The following ANXA7 variants were observed in gnomAD, a reference collection of about 807,000 sequenced individuals.
The protein encoded by ANXA7 is annexin A7.
In ANXA7, 55 loss-of-function variants were observed where a neutral mutation model predicts 64.9. The observed-to-expected ratio is 0.85, with a 90% confidence interval of 0.68 to 1.06. The LOEUF (loss-of-function observed/expected upper bound fraction) is 1.06. Among genes scored for constraint, ANXA7 ranks in the 50% least tolerant of loss-of-function variants. The pLI, the probability that ANXA7 is intolerant of heterozygous loss-of-function variation, is 0.00. For missense variants in ANXA7, 548 were observed against 582.1 expected, an observed-to-expected ratio of 0.94 and a Z score of 0.60; for synonymous variants, 200 against 192.4, an observed-to-expected ratio of 1.04 and a Z score of -0.33.
chr10:73,400,654 C>A (rs1013928528), intron 2 of ANXA7, 149 bp downstream of exon 2: 3 of 492,004 alleles, frequency 6.1e-6, no homozygotes, highest in African/African-American at 6.1e-5. Flanking sequence ...CTCTAGTCCC[C>A]CACACAATTG....
chr10:73,391,094 G>A (rs1417513555), intron 5 of ANXA7, among the ~76,000 whole-genome samples: 1 of 151,336 alleles, frequency 6.6e-6, no homozygotes, highest in African/African-American at 2.4e-5. Context: ...CTTGAACCCG[G>A]GAGGCGGAGG....
At chr10:73,390,131 A>G (rs1328370595) in intron 5 of ANXA7, among the ~76,000 whole-genome samples, 8 of 152,330 alleles carry the variant, frequency 5.3e-5, no homozygotes, top group Admixed American at 3.9e-4. Context: ...ATTTAATCCA[A>G]TACCTCCAAA....
intron 1 of ANXA7, among the ~76,000 whole-genome samples, chr10:73,411,618 G>C (rs546061394): frequency 6.6e-6 from 1 of 152,138 alleles, no homozygotes; most frequent in Non-Finnish European, 1.5e-5. Context: ...TTTTAGTACA[G>C]ACAGGGTTTC....
Position 73,388,272 on chromosome 10 carries a change from C to CT in ANXA7, c.538+39dup, listed in dbSNP as rs1227219710. The CT allele has an allele frequency of 4.1e-6, 6 of 1,465,744 alleles. No homozygotes were observed. In the South Asian group the frequency reaches 4.6e-5, roughly 11 times the overall value. 90.8% of individuals were successfully genotyped at this position (1,465,744 alleles called of 1,614,324 possible). ...TTTATTTTTACTTTAGAACTGATTA[C>CT]TTTAACTTATTAAAAAAGACAAAAA... On this transcript the variant is annotated intron_variant, in intron 6 of 12. Coordinates refer to ENST00000372921, the MANE Select transcript of ANXA7 (RefSeq NM_001156.5).
rs763704857 is a variant in ANXA7 at position 73,383,246 on chromosome 10, G to A, written c.847C>T (p.Arg283Ter). The A allele has an allele frequency of 6.8e-6, 11 of 1,613,912 alleles. No homozygotes were observed. The highest frequency in any genetic ancestry group is 5.3e-5 in the African/African-American group (4 of 74,886). ...IVRCYQSEFGRDLEKDIRSDT... is the reference protein window; with the variant it reads ...IVRCYQSEFG Reference sequence around the variant, plus strand: ...GACCTAATGTCCTTTTCAAGGTCTCGTCCAAATTCTGACTGATAACATCTG... The same window carrying A: ...GACCTAATGTCCTTTTCAAGGTCTCATCCAAATTCTGACTGATAACATCTG... Residue 283 changes from arginine (R) to a stop codon, truncating the protein, a stop_gained, in exon 9 of 13, where the codon CGA (arginine) becomes TGA (stop). Transcript: ENST00000372921. LOFTEE classifies it high-confidence loss of function.
At chr10:73,382,874 AT>A (rs1186180382) in intron 9 of ANXA7, among the ~76,000 whole-genome samples, 6 of 152,194 alleles carry the variant, frequency 3.9e-5, no homozygotes, top group Admixed American at 2.0e-4. Flanking sequence ...AATGGGCAGG[AT>A]AGTGATAAGC....
intron 1 of ANXA7, 26 bp from the exon 2 acceptor site, chr10:73,400,883 CTG>C (rs1358787368): frequency 6.4e-7 from 1 of 1,570,578 alleles, no homozygotes; most frequent in African/African-American, 1.4e-5. Context: ...AAAATGTCCT[CTG>C]TAAGTTTTTT....
At chr10:73,393,851 T>A (rs1233425072) in intron 5 of ANXA7, among the ~76,000 whole-genome samples, 22 of 152,072 alleles carry the variant, frequency 1.4e-4, no homozygotes, top group Admixed American at 1.3e-3. Flanking sequence ...AAGCCAAAAT[T>A]AAGAAATGGG....
chr10:73,388,281 AT>A, intron 6 of ANXA7, 30 bp downstream of exon 6: 1 of 1,532,004 alleles, frequency 6.5e-7, no homozygotes, highest in Admixed American at 1.7e-5. Context: ...ACTTTAACTT[AT>A]TAAAAAAGAC....
chr10:73,409,397 C>T (rs1212362177), intron 1 of ANXA7, among the ~76,000 whole-genome samples: 4 of 152,136 alleles, frequency 2.6e-5, no homozygotes, highest in Admixed American at 2.6e-4. Context: ...AAATCAAGAG[C>T]TCAATCCCTT....
Position 73,380,171 on chromosome 10 carries a change from G to A in ANXA7, c.949C>T (p.His317Tyr). 1 of 1,613,838 alleles carries A rather than the reference G, an allele frequency of 6.2e-7. No homozygotes were observed. The highest frequency in any genetic ancestry group is 8.5e-7 in the Non-Finnish European group (1 of 1,179,952). ...TGAGCATCTTCCTGAGCCATTTGGT[G>A]GTTTATACTCTGGTTCTCATCACGA... ...GNRDENQSIN[H>Y]QMAQEDAQRL... is the part of the protein sequence containing the mutation. Residue 317 changes from histidine to tyrosine, a missense_variant, in exon 10 of 13, where the codon CAC becomes TAC. Coordinates refer to ENST00000372921, the MANE Select transcript of ANXA7 (RefSeq NM_001156.5).
At chr10:73,388,978 T>C (rs1253826660) in intron 5 of ANXA7, among the ~76,000 whole-genome samples, 1 of 152,162 alleles carries the variant, frequency 6.6e-6, no homozygotes, top group Non-Finnish European at 1.5e-5. Context: ...GAATCAACAG[T>C]GGGTGCTAAA....
chr10:73,408,671 T>C (rs980852549), intron 1 of ANXA7, among the ~76,000 whole-genome samples: 25 of 152,166 alleles, frequency 1.6e-4, no homozygotes, highest in African/African-American at 5.5e-4. Flanking sequence ...TGGTACATTT[T>C]GAAAAATAAT....
intron 1 of ANXA7, among the ~76,000 whole-genome samples, chr10:73,413,140 T>C (rs935198603): frequency 7.9e-5 from 12 of 152,094 alleles, no homozygotes; most frequent in Non-Finnish European, 1.6e-4. Flanking sequence ...GACAGGTAGG[T>C]AGCCAACCAC....
chr10:73,380,302 T>G, intron 9 of ANXA7, 101 bp from the exon 10 acceptor site: 2 of 805,926 alleles, frequency 2.5e-6, no homozygotes, highest in Non-Finnish European at 3.5e-6. Context: ...AGACTATTTC[T>G]TTTTTTTTTG....
At chr10:73,394,772 A>G (rs983109122) in intron 5 of ANXA7, among the ~76,000 whole-genome samples, 1 of 152,216 alleles carries the variant, frequency 6.6e-6, no homozygotes, top group African/African-American at 2.4e-5. Flanking sequence ...TGACGAGTTA[A>G]CGGGTGCAGC....
chr10:73,399,575 C>T (rs962959969), intron 2 of ANXA7, among the ~76,000 whole-genome samples: 3 of 152,186 alleles, frequency 2.0e-5, no homozygotes, highest in African/African-American at 4.8e-5. Flanking sequence ...GTAATCCCAG[C>T]GCTTTGGGAG....
At chr10:73,393,673 TG>T (rs2132675541) in intron 5 of ANXA7, among the ~76,000 whole-genome samples, 1 of 152,338 alleles carries the variant, frequency 6.6e-6, no homozygotes, top group South Asian at 2.1e-4. Flanking sequence ...AAGCTGAAAC[TG>T]GATCCCTTCC....
chr10:73,387,470 G>A (rs931259176), intron 7 of ANXA7, among the ~76,000 whole-genome samples: 2 of 152,106 alleles, frequency 1.3e-5, no homozygotes, highest in African/African-American at 2.4e-5. Context: ...AGCTGAGATC[G>A]CACCATTGCA....
Sources: allele counts gnomAD v4.1 joint callset (sites outside exome capture counted in the v4.1 genomes callset), GRCh38; gene constraint gnomAD v4.1.1; transcripts MANE v1.5; gene names NCBI Gene and HGNC (gene_info 2026-07-23, HGNC 2026-07-21).